SGCZ: variants seen among roughly 807,000 people sequenced by gnomAD.
The protein encoded by SGCZ is zeta-sarcoglycan.
SGCZ carries 40 observed loss-of-function variants against 41.3 expected under a neutral mutation model. That is an observed-to-expected ratio of 0.97 (90% CI 0.75 to 1.26). The LOEUF is 1.26. SGCZ is among the 50% of genes most tolerant of loss of function. The pLI, the probability that SGCZ is intolerant of heterozygous loss-of-function variation, is 0.00. For synonymous variants in SGCZ, 206 were observed against 137.5 expected (o/e 1.50, Z -3.49); for missense variants, 552 against 369.8 (o/e 1.49, Z -4.04).
chr8:14,383,020 C>A (rs915919885), intron 2 of SGCZ, among the ~76,000 whole-genome samples: 1 of 152,122 alleles, frequency 6.6e-6, no homozygotes, highest in Non-Finnish European at 1.5e-5. Flanking sequence ...ACTTCACACG[C>A]CTAGATACAG....
intron 5 of SGCZ, among the ~76,000 whole-genome samples, chr8:14,123,167 A>T (rs953780561): frequency 1.3e-5 from 2 of 152,206 alleles, no homozygotes; most frequent in African/African-American, 2.4e-5. Context: ...AGATTCCAAG[A>T]TATTTATTTC....
intron 2 of SGCZ, among the ~76,000 whole-genome samples, chr8:14,368,313 TAAGAA>T (rs1362165611): frequency 6.6e-6 from 1 of 152,014 alleles, no homozygotes; most frequent in East Asian, 1.9e-4. Context: ...AGCTGTTTTC[TAAGAA>T]AAGATATTTA....
chr8:14,426,812 C>T (rs928180179), intron 2 of SGCZ, among the ~76,000 whole-genome samples: 1 of 151,720 alleles, frequency 6.6e-6, no homozygotes, highest in African/African-American at 2.4e-5. Context: ...AAGTGAGTTG[C>T]AAAGATTGGA....
chr8:15,198,370 T>C (rs117334849), intron 1 of SGCZ, among the ~76,000 whole-genome samples: 7,409 of 152,144 alleles, frequency 0.049, 237 homozygotes, highest in Middle Eastern at 0.068. Flanking sequence ...TTCTTTTATA[T>C]AATAAATATG....
chr8:15,223,651 C>T (rs1281908573), intron 1 of SGCZ, among the ~76,000 whole-genome samples: 2 of 152,060 alleles, frequency 1.3e-5, no homozygotes, highest in African/African-American at 2.4e-5. Context: ...AAATATCTAA[C>T]CTGGATCCAT....
Position 14,342,971 on chromosome 8 carries a change from G to A in SGCZ, c.235-18767C>T, listed in dbSNP as rs1400591190. Among the ~76,000 whole-genome samples the A allele has an allele frequency of 2.0e-5, 3 of 152,106 alleles. No individual in the cohort carries two copies. In the East Asian group the frequency reaches 5.8e-4, roughly 30 times the overall value. On this transcript the variant is annotated intron_variant, in intron 2 of 7. Coordinates refer to ENST00000382080, the MANE Select transcript of SGCZ (RefSeq NM_139167.4). ...GCTGTGTGTGCAGCCTAGGGATTTG[G>A]TGCCCTGTGTCCCAGCCACTCCTGC...
chr8:14,998,207 G>T (rs1802286691), intron 1 of SGCZ, among the ~76,000 whole-genome samples: 1 of 152,170 alleles, frequency 6.6e-6, no homozygotes. Flanking sequence ...GTAAACATCT[G>T]TACATAAACA....
chr8:15,169,454 C>G (rs1799765512), intron 1 of SGCZ, among the ~76,000 whole-genome samples: 1 of 152,156 alleles, frequency 6.6e-6, no homozygotes, highest in Non-Finnish European at 1.5e-5. Flanking sequence ...CTGTTTTCCC[C>G]TTTTCTTCCT....
intron 1 of SGCZ, among the ~76,000 whole-genome samples, chr8:14,847,786 G>A (rs1803184927): frequency 9.5e-6 from 1 of 104,758 alleles, no homozygotes; most frequent in Non-Finnish European, 2.0e-5. Context: ...CATAGTTAAT[G>A]GTAAAAAAAA....
In SGCZ at chr8:14,948,883, C is replaced by T. The variant is rs1057320079; in HGVS notation, c.39+288702G>A. 2.2e-4 allele frequency among the ~76,000 whole-genome samples: 34 copies of T among 151,564 alleles called. 1 individual carries two copies. In the South Asian group the frequency reaches 4.2e-3, roughly 19 times the overall value. On this transcript the variant is annotated intron_variant, in intron 1 of 7. Coordinates refer to ENST00000382080, the MANE Select transcript of SGCZ (RefSeq NM_139167.4). Reference sequence around the variant, plus strand: ...TAACCCTGTTACAGCTTTTTTCTCTCTCTCTCTCTCTCTCAAAATTCCCCT... The same window carrying T: ...TAACCCTGTTACAGCTTTTTTCTCTTTCTCTCTCTCTCTCAAAATTCCCCT...
At chr8:14,502,017 A>G (rs1188006096) in intron 2 of SGCZ, among the ~76,000 whole-genome samples, 1 of 152,080 alleles carries the variant, frequency 6.6e-6, no homozygotes, top group African/African-American at 2.4e-5. Context: ...CTTTTTTAAA[A>G]AAGTAATTAG....
At chr8:14,948,094 G>A (rs1800512365) in intron 1 of SGCZ, among the ~76,000 whole-genome samples, 1 of 152,132 alleles carries the variant, frequency 6.6e-6, no homozygotes, top group Non-Finnish European at 1.5e-5. Context: ...GGGTTAAGGA[G>A]GAAGAGACTG....
chr8:14,887,954 G>C (rs1804872175), intron 1 of SGCZ, among the ~76,000 whole-genome samples: 1 of 152,036 alleles, frequency 6.6e-6, no homozygotes, highest in Admixed American at 6.6e-5. Context: ...TTGCTCAAAG[G>C]GTACAAAGTT....
At chr8:14,714,938 CAG>C (rs970435591) in intron 1 of SGCZ, among the ~76,000 whole-genome samples, 3 of 152,002 alleles carry the variant, frequency 2.0e-5, no homozygotes, top group African/African-American at 7.2e-5. Context: ...AAGTGACAGA[CAG>C]ATAAGTTGCA....
intron 1 of SGCZ, among the ~76,000 whole-genome samples, chr8:14,867,917 T>TAA (rs199588948): frequency 0.021 from 2,768 of 132,850 alleles, 80 homozygotes; most frequent in African/African-American, 0.072. Context: ...ACTTAAAAGT[T>TAA]AAAAAAAAAA....
intron 1 of SGCZ, among the ~76,000 whole-genome samples, chr8:14,933,252 G>T (rs1799971891): frequency 1.3e-5 from 2 of 151,806 alleles, no homozygotes; most frequent in African/African-American, 4.9e-5. Flanking sequence ...TGGAAAAAAA[G>T]AATATCTGCC....
intron 1 of SGCZ, among the ~76,000 whole-genome samples, chr8:15,181,827 T>C (rs112874758): frequency 6.6e-5 from 10 of 152,190 alleles, no homozygotes; most frequent in African/African-American, 2.4e-4. Flanking sequence ...GGTGAAGTGT[T>C]ATATTTAGAT....
chr8:15,069,283 C>T (rs13279133), intron 1 of SGCZ, among the ~76,000 whole-genome samples: 11,553 of 152,138 alleles, frequency 0.076, 649 homozygotes, highest in East Asian at 0.27. Flanking sequence ...ATCCTCCTGC[C>T]TCAGTCTCCC....
intron 1 of SGCZ, among the ~76,000 whole-genome samples, chr8:15,060,649 G>T (rs1381448632): frequency 7.0e-6 from 1 of 141,928 alleles, no homozygotes; most frequent in Non-Finnish European, 1.5e-5. Flanking sequence ...CTGTGCACAT[G>T]TACCCGAAAA....
Sources: gnomAD v4.1 joint callset for allele counts (sites outside exome capture counted in the v4.1 genomes callset) on GRCh38, gnomAD v4.1.1 for gene constraint, MANE v1.5 for transcripts, NCBI Gene and HGNC (gene_info 2026-07-23, HGNC 2026-07-21) for gene names.